Variants in GALNTL6 observed in about 807,000 individuals in gnomAD.
GALNTL6 encodes the protein polypeptide N-acetylgalactosaminyltransferase like 6.
In GALNTL6, 46 loss-of-function variants were observed where a neutral mutation model predicts 73.7. The ratio of observed to expected loss-of-function variants is 0.62; its 90% CI spans 0.49 to 0.80. GALNTL6 has a LOEUF of 0.80. GALNTL6 is among the 30% of genes least tolerant of loss of function. GALNTL6 has a pLI of 0.00. For synonymous variants in GALNTL6, 259 were observed against 263.7 expected, an observed-to-expected ratio of 0.98 and a Z score of 0.17; for missense variants, 604 against 755.0, an observed-to-expected ratio of 0.80 and a Z score of 2.34.
intron 5 of GALNTL6, among the ~76,000 whole-genome samples, chr4:172,372,070 C>T (rs913637115): frequency 1.3e-5 from 2 of 152,124 alleles, no homozygotes; most frequent in Non-Finnish European, 2.9e-5. Flanking sequence ...GGCGCTGGTC[C>T]CTGGGGAAAA....
At chr4:172,782,629 A>C (rs963394677) in intron 5 of GALNTL6, among the ~76,000 whole-genome samples, 14 of 152,046 alleles carry the variant, frequency 9.2e-5, no homozygotes, top group African/African-American at 3.4e-4. Flanking sequence ...TCCTTTTAGC[A>C]TCCTAAAAGA....
chr4:172,865,763 G>A (rs2111149605), intron 7 of GALNTL6, among the ~76,000 whole-genome samples: 1 of 152,064 alleles, frequency 6.6e-6, no homozygotes, highest in South Asian at 2.1e-4. Context: ...TCCCTCATGA[G>A]CCTCTAGTTT....
At chr4:172,423,785 G>C (rs996445113) in intron 5 of GALNTL6, among the ~76,000 whole-genome samples, 2 of 151,984 alleles carry the variant, frequency 1.3e-5, no homozygotes, top group East Asian at 3.9e-4. Context: ...ATAGTACATA[G>C]TAACCACTCA....
chr4:172,725,856 T>G (rs1332292507), intron 5 of GALNTL6, among the ~76,000 whole-genome samples: 1 of 152,230 alleles, frequency 6.6e-6, no homozygotes, highest in Non-Finnish European at 1.5e-5. Flanking sequence ...ATAAAATACG[T>G]ACTCTGATAG....
chr4:172,654,015 A>C (rs992602357), intron 5 of GALNTL6, among the ~76,000 whole-genome samples: 8 of 152,206 alleles, frequency 5.3e-5, no homozygotes, highest in Admixed American at 4.6e-4. Flanking sequence ...AAACACACAC[A>C]TACTCTTTTC....
chr4:171,943,199 C>G (rs1197098931), intron 2 of GALNTL6, among the ~76,000 whole-genome samples: 4 of 152,144 alleles, frequency 2.6e-5, no homozygotes, highest in African/African-American at 9.7e-5. Context: ...AATATAAGTT[C>G]TTATGATAGA....
chr4:172,701,022 G>A (rs1280558344), intron 5 of GALNTL6, among the ~76,000 whole-genome samples: 2 of 152,056 alleles, frequency 1.3e-5, no homozygotes, highest in Non-Finnish European at 2.9e-5. Flanking sequence ...CTTTGCCTGA[G>A]AAGTAGAAAT....
At chr4:171,916,258 A>G (rs185795412) in intron 2 of GALNTL6, among the ~76,000 whole-genome samples, 30 of 151,594 alleles carry the variant, frequency 2.0e-4, no homozygotes, top group Admixed American at 4.7e-4. Flanking sequence ...GAGATGCTGA[A>G]AAAAAAAGCA....
chr4:172,432,211 C>G (rs937754308), intron 5 of GALNTL6, among the ~76,000 whole-genome samples: 1 of 151,076 alleles, frequency 6.6e-6, no homozygotes, highest in Non-Finnish European at 1.5e-5. Context: ...GAAATATTAC[C>G]CATTTCAACA....
At chr4:172,582,478 T>TGGA (rs893931999) in intron 5 of GALNTL6, among the ~76,000 whole-genome samples, 1 of 152,148 alleles carries the variant, frequency 6.6e-6, no homozygotes, top group Non-Finnish European at 1.5e-5. Context: ...TCCACATGGA[T>TGGA]GGATTCAACC....
chr4:172,856,080 A>G lies in GALNTL6; in HGVS notation c.924-26710A>G, dbSNP rs150514966. On this transcript the variant is annotated intron_variant, in intron 7 of 12. Coordinates refer to ENST00000506823, the MANE Select transcript of GALNTL6 (RefSeq NM_001034845.3). ...GTTTCTAAAACAATGCCAGCCATCT[A>G]TTGAAAACAGCTTCATCAGTTGCAT... Among the ~76,000 whole-genome samples the G allele has an allele frequency of 2.0e-3, 298 of 152,328 alleles. 2 individuals carry two copies. The highest frequency in any genetic ancestry group is 2.9e-3 in the Non-Finnish European group (197 of 68,024).
chr4:172,620,880 G>A (rs1360567566), intron 5 of GALNTL6, among the ~76,000 whole-genome samples: 3 of 152,152 alleles, frequency 2.0e-5, no homozygotes, highest in Non-Finnish European at 2.9e-5. Context: ...TCTACTTTGT[G>A]TTCCTGAACC....
chr4:172,372,872 G>A (rs1332907459), intron 5 of GALNTL6, among the ~76,000 whole-genome samples: 2 of 152,054 alleles, frequency 1.3e-5, no homozygotes, highest in African/African-American at 4.8e-5. Context: ...AATGTCTTAG[G>A]GCAAGGATAA....
At position 172,520,518 on chromosome 4, in the gene GALNTL6, G is replaced by T. The variant is rs574966070; in HGVS notation, c.553+171829G>T. Among the ~76,000 whole-genome samples the T allele has an allele frequency of 5.4e-5, 8 of 148,514 alleles. No individual in the cohort carries two copies. In the East Asian group the frequency reaches 1.6e-3, roughly 29 times the overall value. On this transcript the variant is annotated intron_variant, in intron 5 of 12. Coordinates refer to ENST00000506823, the MANE Select transcript of GALNTL6 (RefSeq NM_001034845.3). The stretch of plus-strand genomic sequence containing the variant: ...ATTCATTCTTTTTTTACTCCCTTGG[G>T]TACAGCATTTTGAGTCAGTCTTTTC...
intron 7 of GALNTL6, among the ~76,000 whole-genome samples, chr4:172,838,898 G>A (rs1313032420): frequency 6.6e-6 from 1 of 152,206 alleles, no homozygotes; most frequent in South Asian, 2.1e-4. Flanking sequence ...ATAAATGAAT[G>A]AGGGGGAGAA....
chr4:171,835,934 G>A (rs1735083385), intron 2 of GALNTL6, among the ~76,000 whole-genome samples: 1 of 151,922 alleles, frequency 6.6e-6, no homozygotes, highest in African/African-American at 2.4e-5. Context: ...GTAAGATAGG[G>A]TGCAATCAAT....
intron 2 of GALNTL6, among the ~76,000 whole-genome samples, chr4:171,902,539 C>A (rs1737129495): frequency 6.6e-6 from 1 of 152,136 alleles, no homozygotes; most frequent in Admixed American, 6.5e-5. Flanking sequence ...ACACAGGAAT[C>A]AGGACAGATG....
chr4:172,948,634 T>TTTTTTTTG (rs1749289388), intron 9 of GALNTL6, among the ~76,000 whole-genome samples: 1 of 149,410 alleles, frequency 6.7e-6, no homozygotes, highest in Non-Finnish European at 1.5e-5. Flanking sequence ...TTTTTTTTTT[T>TTTTTTTTG]GTATTTTTAC....
At chr4:171,992,539 T>C (rs958143994) in intron 2 of GALNTL6, among the ~76,000 whole-genome samples, 4 of 152,096 alleles carry the variant, frequency 2.6e-5, no homozygotes, top group African/African-American at 9.7e-5. Context: ...CTCTACCTAG[T>C]ATCTGATAAA....
Sources: gnomAD v4.1 joint callset for allele counts (sites outside exome capture counted in the v4.1 genomes callset) on GRCh38, gnomAD v4.1.1 for gene constraint, MANE v1.5 for transcripts, NCBI Gene and HGNC (gene_info 2026-07-23, HGNC 2026-07-21) for gene names.